The following ADAMTS3 variants were observed in gnomAD, a reference collection of about 807,000 sequenced individuals.
The protein encoded by ADAMTS3 is A disintegrin and metalloproteinase with thrombospondin motifs 3.
ADAMTS3 carries 73 observed loss-of-function variants against 129.0 expected under a neutral mutation model. That is an observed-to-expected ratio of 0.57 (90% confidence interval 0.47 to 0.69). The LOEUF is 0.69. ADAMTS3 is among the 30% of genes least tolerant of loss of function. The probability of loss-of-function intolerance (pLI) is 0.00; values close to 1 mark genes in which losing one functional copy is unlikely to be tolerated. For missense variants in ADAMTS3, 1,457 were observed against 1,514.5 expected (o/e 0.96, Z 0.63); for synonymous variants, 477 against 510.8 (o/e 0.93, Z 0.89).
intron 3 of ADAMTS3, among the ~76,000 whole-genome samples, chr4:72,465,282 A>C (rs1314251045): frequency 6.6e-6 from 1 of 152,006 alleles, no homozygotes; most frequent in Non-Finnish European, 1.5e-5. Context: ...TGGCAAAGGA[A>C]GTAGCAAGAG....
chr4:72,499,530 T>C (rs1242325003), intron 3 of ADAMTS3, among the ~76,000 whole-genome samples: 1 of 152,184 alleles, frequency 6.6e-6, no homozygotes, highest in Non-Finnish European at 1.5e-5. Context: ...ATCAACTTCC[T>C]ATATTACACC....
intron 3 of ADAMTS3, among the ~76,000 whole-genome samples, chr4:72,436,236 C>CA (rs1284266516): frequency 6.6e-6 from 1 of 152,028 alleles, no homozygotes; most frequent in Non-Finnish European, 1.5e-5. Context: ...TTTATGCAGC[C>CA]AAAAGACACA....
Position 72,406,016 on chromosome 4 carries a change from C to T in ADAMTS3, c.661+8799G>A, listed in dbSNP as rs185251988. Among the ~76,000 whole-genome samples the T allele has an allele frequency of 2.5e-3, 387 of 152,254 alleles. 3 individuals are homozygous for T. The highest frequency in any genetic ancestry group is 9.1e-3 in the African/African-American group (378 of 41,552). ...CTGTTCACAATCTAAGAAGCTGTGA[C>T]TCCCCACAATTCTTGTGCAACAAGA... On this transcript the variant is annotated intron_variant, in intron 4 of 21. Transcript: ENST00000286657.
intron 4 of ADAMTS3, among the ~76,000 whole-genome samples, chr4:72,381,519 T>C (rs1420806315): frequency 6.6e-6 from 1 of 152,154 alleles, no homozygotes; most frequent in Non-Finnish European, 1.5e-5. Flanking sequence ...GGACCCAGCA[T>C]GTATGCCTGC....
intron 4 of ADAMTS3, among the ~76,000 whole-genome samples, chr4:72,412,528 T>C (rs1213061635): frequency 1.3e-5 from 2 of 152,042 alleles, no homozygotes; most frequent in African/African-American, 4.8e-5. Flanking sequence ...AATCACTTGT[T>C]CCCCTAGGCA....
chr4:72,312,278 C>A lies in ADAMTS3; in HGVS notation c.1921+13G>T, dbSNP rs201157101. On this transcript the variant is annotated intron_variant, in intron 13 of 21. Coordinates refer to ENST00000286657, the MANE Select transcript of ADAMTS3 (RefSeq NM_014243.3). ...CATCCACACAGCAGGAAGGAGAGCA[C>A]GAGGCTACTCACGGTCAGGATGTTC... The A allele has an allele frequency of 3.1e-6, 5 of 1,613,062 alleles. No homozygotes were observed. The African/African-American group carries it at 6.7e-5, about 22-fold the overall frequency.
intron 3 of ADAMTS3, among the ~76,000 whole-genome samples, chr4:72,501,261 A>G (rs1168520624): frequency 2.0e-5 from 3 of 151,900 alleles, no homozygotes; most frequent in Non-Finnish European, 4.4e-5. Flanking sequence ...AATTTTTTTC[A>G]GTTTATTTGT....
At chr4:72,507,989 A>C (rs1167695665) in intron 3 of ADAMTS3, among the ~76,000 whole-genome samples, 1 of 152,184 alleles carries the variant, frequency 6.6e-6, no homozygotes, top group Non-Finnish European at 1.5e-5. Context: ...TGTCATTTTT[A>C]CCTTAGAATA....
intron 3 of ADAMTS3, among the ~76,000 whole-genome samples, chr4:72,536,904 T>G (rs1721197251): frequency 6.6e-6 from 1 of 152,308 alleles, no homozygotes; most frequent in East Asian, 1.9e-4. Flanking sequence ...AAACCCAAAT[T>G]TAATATATTC....
chr4:72,311,971 A>G (rs1719247086), intron 13 of ADAMTS3: 2 of 257,154 alleles, frequency 7.8e-6, no homozygotes, highest in South Asian at 2.5e-4. Flanking sequence ...AAAGATCACA[A>G]TATTCCAGAA....
chr4:72,384,813 C>A (rs1721392993), intron 4 of ADAMTS3, among the ~76,000 whole-genome samples: 2 of 151,746 alleles, frequency 1.3e-5, no homozygotes, highest in African/African-American at 4.8e-5. Context: ...ACGTTTAAAG[C>A]AAAAAATATA....
At chr4:72,530,185 A>C (rs1253944045) in intron 3 of ADAMTS3, among the ~76,000 whole-genome samples, 1 of 71,894 alleles carries the variant, frequency 1.4e-5, no homozygotes, top group African/African-American at 5.5e-5. Flanking sequence ...ATATATTTAT[A>C]TTATATATTA....
chr4:72,548,456 C>T (rs1253219814), intron 3 of ADAMTS3, 22 bp downstream of exon 3: 1 of 1,606,520 alleles, frequency 6.2e-7, no homozygotes, highest in Admixed American at 1.7e-5. Context: ...CAAACATACG[C>T]ACAAAACAGA....
chr4:72,500,360 C>A (rs1047590430), intron 3 of ADAMTS3, among the ~76,000 whole-genome samples: 3 of 152,052 alleles, frequency 2.0e-5, no homozygotes, highest in African/African-American at 4.8e-5. Context: ...ATTTGCATCT[C>A]TCTGATGATT....
At chr4:72,435,636 T>C (rs1722802683) in intron 3 of ADAMTS3, among the ~76,000 whole-genome samples, 1 of 151,656 alleles carries the variant, frequency 6.6e-6, no homozygotes, top group Non-Finnish European at 1.5e-5. Flanking sequence ...ACATGGCACA[T>C]AAGCAGTGGT....
chr4:72,567,536 A>G (rs372870761), intron 1 of ADAMTS3, 135 bp from the exon 2 acceptor site: 47 of 828,716 alleles, frequency 5.7e-5, no homozygotes, highest in East Asian at 3.8e-4. Context: ...ATTGGTGCCT[A>G]AAGCCTGCAC....
intron 21 of ADAMTS3, among the ~76,000 whole-genome samples, chr4:72,284,911 C>CCT (rs1410696749): frequency 1.3e-5 from 2 of 152,174 alleles, no homozygotes; most frequent in African/African-American, 4.8e-5. Flanking sequence ...ATATCCTGTG[C>CCT]CTCTCTGATA....
At chr4:72,568,645 G>T in intron 1 of ADAMTS3, 49 bp downstream of exon 1, 1 of 1,451,404 alleles carries the variant, frequency 6.9e-7, no homozygotes, top group South Asian at 1.2e-5. Context: ...AACTTTTCGG[G>T]AAAAGGTTGG....
intron 3 of ADAMTS3, among the ~76,000 whole-genome samples, chr4:72,436,411 CT>C: frequency 6.6e-6 from 1 of 152,194 alleles, no homozygotes; most frequent in East Asian, 1.9e-4. Flanking sequence ...GTTGGTGGGA[CT>C]GTAAACTTGT....
Sources: gnomAD v4.1 joint callset for allele counts (sites outside exome capture counted in the v4.1 genomes callset) on GRCh38, gnomAD v4.1.1 for gene constraint, MANE v1.5 for transcripts, NCBI Gene and HGNC (gene_info 2026-07-23, HGNC 2026-07-21) for gene names.